The following TENM1 variants were observed in gnomAD, a reference collection of about 807,000 sequenced individuals.
TENM1 encodes teneurin-1.
TENM1 carries 35 observed loss-of-function variants against 174.8 expected under a neutral mutation model. The observed-to-expected ratio is 0.20, with a 90% CI of 0.15 to 0.27. The LOEUF (loss-of-function observed/expected upper bound fraction) is 0.27, where lower values mean the gene tolerates loss of function less well. TENM1 is among the 10% of genes least tolerant of loss of function. TENM1 has a pLI of 1.00. For synonymous variants in TENM1, 781 were observed against 798.7 expected (o/e 0.98, Z 0.37); for missense variants, 1,633 against 2,130.1 (o/e 0.77, Z 4.59).
intron 3 of TENM1, among the ~76,000 whole-genome samples, chrX:124,771,012 C>T (rs940001218): frequency 1.8e-5 from 2 of 111,928 alleles, no homozygotes; most frequent in Non-Finnish European, 3.8e-5. Flanking sequence ...AAAACCATTA[C>T]TTTTTCTTTG....
the TENM1 span, among the ~76,000 whole-genome samples, chrX:125,162,216 G>A: frequency 8.9e-6 from 1 of 111,934 alleles, no homozygotes; most frequent in Non-Finnish European, 1.9e-5. Context: ...TGGTGGATAA[G>A]CATATGGAAT....
chrX:124,494,016 G>T (rs753264971), intron 20 of TENM1, among the ~76,000 whole-genome samples: 1 of 111,691 alleles, frequency 9.0e-6, no homozygotes, highest in East Asian at 2.8e-4. Flanking sequence ...GGGACTAGAA[G>T]ATTTCCCCAG....
rs534861411 is a variant in TENM1, at chrX:124,877,114, T to C, written c.535+17182A>G. ...AGGACATCCAGTTAAAAAATTATAATTATTTATTTTGAAATAGGTGATCAT... is the reference window on the plus strand; with the variant it reads ...AGGACATCCAGTTAAAAAATTATAACTATTTATTTTGAAATAGGTGATCAT... On this transcript the variant is annotated intron_variant, in intron 3 of 31. Transcript: ENST00000422452. Among the ~76,000 whole-genome samples the C allele has an allele frequency of 6.9e-4, 78 of 112,320 alleles. 2 individuals carry two copies. The South Asian group carries it at 0.026, about 38-fold the overall frequency.
chrX:124,569,831 AT>A (rs1246384003), intron 11 of TENM1, among the ~76,000 whole-genome samples: 1 of 111,445 alleles, frequency 9.0e-6, no homozygotes, highest in Admixed American at 9.6e-5. Context: ...AAGAAAACCA[AT>A]GTATACAAGA....
At chrX:124,470,245 G>T (rs1378752781) in intron 22 of TENM1, among the ~76,000 whole-genome samples, 1 of 112,029 alleles carries the variant, frequency 8.9e-6, no homozygotes, top group East Asian at 2.8e-4. Flanking sequence ...ATACATTATG[G>T]TGTATCCATA....
chrX:124,696,294 T>C (rs1254361521), intron 5 of TENM1, among the ~76,000 whole-genome samples: 1 of 111,861 alleles, frequency 8.9e-6, no homozygotes, highest in African/African-American at 3.2e-5. Flanking sequence ...TATCGACTGA[T>C]TGAGGCTAGA....
At chrX:124,808,661 A>G (rs1421728063) in intron 3 of TENM1, among the ~76,000 whole-genome samples, 1 of 112,137 alleles carries the variant, frequency 8.9e-6, no homozygotes, top group African/African-American at 3.2e-5. Flanking sequence ...ACTAGAAATG[A>G]ATATCAGAAG....
chrX:124,407,956 TG>T (rs1569529683), intron 25 of TENM1, among the ~76,000 whole-genome samples: 1 of 111,101 alleles, frequency 9.0e-6, no homozygotes, highest in Non-Finnish European at 1.9e-5. Flanking sequence ...TGTTTCTTCC[TG>T]GGGTTAATGG....
At chrX:124,451,139 T>C (rs961218512) in intron 23 of TENM1, among the ~76,000 whole-genome samples, 4 of 111,724 alleles carry the variant, frequency 3.6e-5, no homozygotes, top group African/African-American at 1.3e-4. Context: ...ACTAAAAAAG[T>C]CAGACACTGA....
chrX:124,646,620 T>C, intron 9 of TENM1, 89 bp downstream of exon 12: 2 of 652,427 alleles, frequency 3.1e-6, no homozygotes. Flanking sequence ...CCACTACTAA[T>C]GTTACTTACT....
At chrX:124,792,788 C>T (rs1418793075) in intron 3 of TENM1, among the ~76,000 whole-genome samples, 5 of 111,964 alleles carry the variant, frequency 4.5e-5, no homozygotes, top group Admixed American at 9.5e-5. Flanking sequence ...TTAAGTATTT[C>T]GAAGTTAAAA....
exon 28 of TENM1, chrX:124,392,087 C>G (rs1180806231): frequency 1.7e-5 from 21 of 1,206,937 alleles, no homozygotes; most frequent in Non-Finnish European, 2.0e-5. Context: ...ATTTTCCCAT[C>G]AGCCCAAGTT....
At chrX:124,530,086 CAAT>C in intron 15 of TENM1, 103 bp from the exon 19 acceptor site, 1 of 930,322 alleles carries the variant, frequency 1.1e-6, no homozygotes, top group Non-Finnish European at 1.5e-6. Flanking sequence ...ACAAAGAAAA[CAAT>C]AATTTCACCA....
intron 11 of TENM1, among the ~76,000 whole-genome samples, chrX:124,579,367 A>G (rs1460255237): frequency 1.1e-5 from 1 of 87,256 alleles, no homozygotes; most frequent in Non-Finnish European, 2.2e-5. Context: ...TATTCTATTT[A>G]GTAGAATCAC....
intron 1 of TENM1, among the ~76,000 whole-genome samples, chrX:124,916,829 GC>G (rs2057934119): frequency 9.4e-6 from 1 of 105,822 alleles, no homozygotes; most frequent in African/African-American, 3.5e-5. Context: ...CCTCATCTTT[GC>G]CCTTCTGCCA....
chrX:124,863,216 C>T (rs139479308), intron 3 of TENM1, among the ~76,000 whole-genome samples: 1,435 of 110,375 alleles, frequency 0.013, 34 homozygotes, highest in African/African-American at 0.045. Flanking sequence ...TGGGGCAAAA[C>T]TTCTGCTTGA....
At chrX:124,723,915 T>C (rs748733253) in intron 4 of TENM1, among the ~76,000 whole-genome samples, 4 of 111,642 alleles carry the variant, frequency 3.6e-5, no homozygotes, top group Non-Finnish European at 7.5e-5. Flanking sequence ...GGGTTTTAAC[T>C]GACTCCACTA....
chrX:124,521,809 A>G (rs1039225493), intron 17 of TENM1, among the ~76,000 whole-genome samples: 7 of 112,188 alleles, frequency 6.2e-5, no homozygotes, highest in Admixed American at 2.8e-4. Flanking sequence ...ATTGTTAAAC[A>G]TATGGCATCT....
chrX:124,889,950 G>A (rs1296585495), intron 3 of TENM1, among the ~76,000 whole-genome samples: 2 of 111,163 alleles, frequency 1.8e-5, no homozygotes, highest in African/African-American at 6.5e-5. Context: ...CCCAGTAGAC[G>A]GTAAATTCCT....
Sources: allele counts gnomAD v4.1 joint callset (sites outside exome capture counted in the v4.1 genomes callset), GRCh38; gene constraint gnomAD v4.1.1; transcripts MANE v1.5; gene names NCBI Gene and HGNC (gene_info 2026-07-23, HGNC 2026-07-21).